RBM22: variants seen among roughly 807,000 people sequenced by gnomAD.
RBM22 encodes the protein RNA binding motif protein 22.
RBM22 carries 1 observed loss-of-function variant against 50.1 expected under a neutral mutation model. The observed-to-expected ratio is 0.02, with a 90% CI of 0.01 to 0.09. The LOEUF (loss-of-function observed/expected upper bound fraction) is 0.09. RBM22 is among the 10% of genes least tolerant of loss of function. The probability of loss-of-function intolerance (pLI) is 1.00; values close to 1 mark genes in which losing one functional copy is unlikely to be tolerated. For synonymous variants in RBM22, 152 were observed against 179.0 expected (o/e 0.85, Z 1.20); for missense variants, 264 against 529.3 (o/e 0.50, Z 4.92).
intron 10 of RBM22, among the ~76,000 whole-genome samples, chr5:150,692,255 C>T (rs2151455523): frequency 6.6e-6 from 1 of 152,252 alleles, no homozygotes; most frequent in South Asian, 2.1e-4. Context: ...ATGGAGGGTG[C>T]TCAGAAACCA....
chr5:150,695,733 T>C, intron 6 of RBM22, 27 bp from the exon 7 acceptor site: 1 of 1,561,068 alleles, frequency 6.4e-7, no homozygotes, highest in Non-Finnish European at 8.8e-7. Context: ...AAACAAGGCA[T>C]AAAGGTGAAA....
At chr5:150,700,344 G>T in intron 2 of RBM22, 100 bp downstream of exon 2, 1 of 1,198,286 alleles carries the variant, frequency 8.3e-7, no homozygotes, top group Non-Finnish European at 1.2e-6. Flanking sequence ...TAGTAAAAGA[G>T]CATCATTTTT....
chr5:150,694,338 C>T, intron 7 of RBM22, 98 bp from the exon 8 acceptor site: 1 of 1,463,112 alleles, frequency 6.8e-7, no homozygotes, highest in Non-Finnish European at 9.1e-7. Flanking sequence ...CACCACTAGG[C>T]AGGTGGGCCC....
rs754644496 is a variant in RBM22 at position 150,700,852 on chromosome 5, G to A, written c.54+80C>T. 5.0e-6 allele frequency: 8 copies of A among 1,613,072 alleles called. No homozygotes were observed. In the South Asian group the frequency reaches 6.6e-5, roughly 13 times the overall value. ...TCCTCCCCGGTATTCCTTCGGCCGC[G>A]CCGCAGGCCCTGTCCTGCCAGCTTG... On this transcript the variant is annotated intron_variant, in intron 1 of 10. Coordinates refer to ENST00000199814, the MANE Select transcript of RBM22 (RefSeq NM_018047.3).
intron 7 of RBM22, 122 bp from the exon 8 acceptor site, chr5:150,694,362 C>A: frequency 7.1e-7 from 1 of 1,417,966 alleles, no homozygotes; most frequent in South Asian, 1.6e-5. Context: ...GGTTATCTGC[C>A]TAACTACCCG....
In RBM22 at chr5:150,696,475, C is replaced by G. The variant is rs867598717; in HGVS notation, c.545+58G>C. On this transcript the variant is annotated intron_variant, in intron 6 of 10. Transcript: ENST00000199814. This position sits in a 1 kb window ranked among gnomAD's most constrained non-coding sequence, Gnocchi z 4.3. ...AGAAACAGTTTAAGTTAGGACCTCC[C>G]ACTTCTTAGATGAGAAATCATCTGA... 8.7e-5 allele frequency: 133 copies of G among 1,529,882 alleles called. 2 individuals are homozygous for G. The Middle Eastern group carries it at 2.2e-3, about 25-fold the overall frequency. 94.8% of individuals were successfully genotyped at this position (1,529,882 alleles called of 1,614,324 possible). A position where few individuals can be genotyped will look rare whatever the true frequency, so the allele number is the denominator to read the frequency against.
At chr5:150,700,629 G>T in intron 1 of RBM22, 132 bp from the exon 2 acceptor site, 3 of 1,542,588 alleles carry the variant, frequency 1.9e-6, no homozygotes, top group Non-Finnish European at 2.6e-6. Flanking sequence ...AGTCCATCAC[G>T]ACCCGATCGC....
intron 7 of RBM22, 92 bp downstream of exon 7, chr5:150,695,414 T>C: frequency 9.0e-7 from 1 of 1,114,736 alleles, no homozygotes; most frequent in Non-Finnish European, 1.3e-6. Flanking sequence ...AAAATGTATT[T>C]TGTACAGAAT....
At chr5:150,697,139 A>G (rs771608438) in intron 4 of RBM22, among the ~76,000 whole-genome samples, 3 of 152,206 alleles carry the variant, frequency 2.0e-5, no homozygotes, top group Admixed American at 6.5e-5. Context: ...AAAATCTTTT[A>G]GGCTGGGTGT....
At chr5:150,693,049 C>G (rs1450047854) in intron 9 of RBM22, 23 bp from the exon 10 acceptor site, 3 of 1,595,452 alleles carry the variant, frequency 1.9e-6, no homozygotes, top group Non-Finnish European at 2.6e-6. Context: ...AAATAGTCAA[C>G]ACATAGAGGG....
chr5:150,693,266 G>C lies in RBM22; in HGVS notation c.953C>G (p.Thr318Ser). ...ARGKEKEKDG[T>S]TDSGIKLEPV... ...TTCTAGTTTGATCCCAGAGTCTGTA[G>C]TTCCATCTTTCTCTTTTTCTTTTCC... The change falls in exon 9 of 11, where the codon ACT becomes AGT. Residue 318 changes from threonine to serine, a missense_variant. Thr to Ser is a moderately conservative substitution (Grantham distance 58). Around this residue, in one of 7 missense-constraint regions of RBM22, gnomAD observed 106 missense variants for 137.1 expected, o/e 0.77. Transcript: ENST00000199814. 1 of 1,614,052 alleles carries C rather than the reference G, an allele frequency of 6.2e-7. No homozygotes were observed.
rs1377720585 is a variant in RBM22 at position 150,691,223 on chromosome 5, A to ATCTGGGCTGTGCTTTC, written c.*527_*528insGAAAGCACAGCCCAGA. 1.3e-5 allele frequency: 2 copies of ATCTGGGCTGTGCTTTC among 152,346 alleles called. No homozygotes were observed. The highest frequency in any genetic ancestry group is 4.8e-5 in the African/African-American group (2 of 41,432). The allele number at this position is 152,346 out of a possible 1,614,324, so 9.4% of individuals were successfully genotyped here. A position where few individuals can be genotyped will look rare whatever the true frequency, so the allele number is the denominator to read the frequency against. On this transcript the variant is annotated 3_prime_UTR_variant, in exon 11 of 11. Coordinates refer to ENST00000199814, the MANE Select transcript of RBM22 (RefSeq NM_018047.3). ...TGAGGAAAAGGAGAGGAAAGAGAAG[A>ATCTGGGCTGTGCTTTC]TCTGGGCTGTGCTGGTGCTGGTTTC...
chr5:150,697,433 A>G (rs1446818356), intron 4 of RBM22, among the ~76,000 whole-genome samples: 2 of 152,160 alleles, frequency 1.3e-5, no homozygotes, highest in Non-Finnish European at 2.9e-5. Flanking sequence ...ACAAAAAACA[A>G]AAAAATTATA....
chr5:150,696,458 T>A lies in RBM22; in HGVS notation c.545+75A>T. On this transcript the variant is annotated intron_variant, in intron 6 of 10. Coordinates refer to ENST00000199814, the MANE Select transcript of RBM22 (RefSeq NM_018047.3). The surrounding 1 kb of genome is among the most constrained non-coding windows in gnomAD (Gnocchi z 4.3). ...CCTTTAGATTTTAAAGCAGAAACAG[T>A]TTAAGTTAGGACCTCCCACTTCTTA... The A allele has an allele frequency of 2.0e-6, 3 of 1,463,766 alleles. No individual in the cohort carries two copies. Among genetic ancestry groups the A allele is most frequent in the Non-Finnish European group, 2.8e-6 (3 of 1,071,512 alleles). 90.7% of individuals were successfully genotyped at this position (1,463,766 alleles called of 1,614,324 possible). A position where few individuals can be genotyped will look rare whatever the true frequency, so the allele number is the denominator to read the frequency against.
At chr5:150,692,695 T>G (rs768757812) in intron 10 of RBM22, among the ~76,000 whole-genome samples, 200 bp downstream of exon 10, 2 of 152,124 alleles carry the variant, frequency 1.3e-5, no homozygotes, top group South Asian at 2.1e-4. Context: ...TATACGCGGA[T>G]CTTTAGAAAA....
chr5:150,693,092 T>C, intron 9 of RBM22, 66 bp from the exon 10 acceptor site: 1 of 1,557,686 alleles, frequency 6.4e-7, no homozygotes, highest in Non-Finnish European at 8.7e-7. Flanking sequence ...TTCTACCACC[T>C]TTACATTCTC....
rs191523313 is a variant in RBM22, at chr5:150,701,002, G to A, written c.-17C>T. On this transcript the variant is annotated 5_prime_UTR_variant, in exon 1 of 11. Transcript: ENST00000199814. ...GGTCGCCATCTTGAGAGCGTCCGGA[G>A]GTAGCTGTAGCTTCCGAATTGGGAG... is the stretch of plus-strand genomic sequence containing the variant. 1.3e-4 allele frequency: 205 copies of A among 1,614,226 alleles called. No individual in the cohort carries two copies. Among genetic ancestry groups the A allele is most frequent in the Non-Finnish European group, 1.6e-4 (194 of 1,180,036 alleles).
chr5:150,694,463 T>C (rs1345896035), intron 7 of RBM22: 2 of 642,504 alleles, frequency 3.1e-6, no homozygotes, highest in African/African-American at 1.9e-5. Flanking sequence ...TTCTCAAACA[T>C]CTCAGGGTTT....
In RBM22 at chr5:150,691,051, T is replaced by A. The variant is rs1759201326; in HGVS notation, c.*700A>T. ...TTACAGGAAGTTCTTTACAGTAATT[T>A]CATGCCAGACACCAGGTTTCTTCGA... On this transcript the variant is annotated 3_prime_UTR_variant, in exon 11 of 11. Coordinates refer to ENST00000199814, the MANE Select transcript of RBM22 (RefSeq NM_018047.3). The A allele has an allele frequency of 6.6e-6, 1 of 152,380 alleles. No individual in the cohort carries two copies. The highest frequency in any genetic ancestry group is 1.5e-5 in the Non-Finnish European group (1 of 68,048). 9.4% of individuals were successfully genotyped at this position (152,380 alleles called of 1,614,324 possible).
Sources: gnomAD v4.1 joint callset for allele counts (sites outside exome capture counted in the v4.1 genomes callset) on GRCh38, gnomAD v4.1.1 for gene constraint, gnomAD v4.1.1 regional missense constraint, Gnocchi (gnomAD v3.1) non-coding constraint, MANE v1.5 for transcripts, NCBI Gene and HGNC (gene_info 2026-07-23, HGNC 2026-07-21) for gene names.